CDC73: variants seen among roughly 807,000 people sequenced by gnomAD.
CDC73 encodes parafibromin.
CDC73 carries 21 observed loss-of-function variants against 83.7 expected under a neutral mutation model. The observed-to-expected ratio is 0.25, with a 90% CI of 0.18 to 0.36. The LOEUF is 0.36. CDC73 is among the 10% of genes least tolerant of loss of function. The pLI is 1.00. For synonymous variants in CDC73, 224 were observed against 212.9 expected (o/e 1.05, Z -0.45); for missense variants, 342 against 653.3 (o/e 0.52, Z 5.19).
intron 13 of CDC73, among the ~76,000 whole-genome samples, chr1:193,229,220 A>G (rs898814950): frequency 2.6e-5 from 4 of 152,300 alleles, no homozygotes; most frequent in Admixed American, 6.5e-5. Context: ...AGGTATTTAC[A>G]TAAGAGAAAT....
At chr1:193,218,562 A>T (rs1204941045) in intron 13 of CDC73, among the ~76,000 whole-genome samples, 1 of 152,234 alleles carries the variant, frequency 6.6e-6, no homozygotes, top group East Asian at 1.9e-4. Context: ...GTACAAAAAC[A>T]GGCACACAGA....
chr1:193,226,890 G>C (rs185938682), intron 13 of CDC73, among the ~76,000 whole-genome samples: 2 of 152,210 alleles, frequency 1.3e-5, no homozygotes, highest in Non-Finnish European at 2.9e-5. Context: ...CAAAAGGATT[G>C]GTACCAATTC....
At chr1:193,212,302 T>G in intron 12 of CDC73, 88 bp from the exon 13 acceptor site, 1 of 948,550 alleles carries the variant, frequency 1.1e-6, no homozygotes, top group Non-Finnish European at 1.6e-6. Context: ...AAGTTAAAGT[T>G]ACAATTTATA....
intron 10 of CDC73, among the ~76,000 whole-genome samples, chr1:193,167,204 T>C (rs1676448657): frequency 1.3e-5 from 2 of 152,168 alleles, no homozygotes; most frequent in African/African-American, 4.8e-5. Context: ...CCACACATAG[T>C]TTTAACTACC....
At chr1:193,194,458 T>C (rs1464663116) in intron 10 of CDC73, among the ~76,000 whole-genome samples, 2 of 152,176 alleles carry the variant, frequency 1.3e-5, no homozygotes, top group Non-Finnish European at 2.9e-5. Flanking sequence ...TTTTAGTTCA[T>C]GGACCCATAT....
chr1:193,234,789 G>A (rs1677729191), intron 14 of CDC73, among the ~76,000 whole-genome samples: 1 of 152,142 alleles, frequency 6.6e-6, no homozygotes, highest in Admixed American at 6.5e-5. Flanking sequence ...AAAACTGAAA[G>A]ATTATTTAAT....
chr1:193,206,679 A>G (rs977539983), intron 11 of CDC73, among the ~76,000 whole-genome samples: 1 of 152,130 alleles, frequency 6.6e-6, no homozygotes, highest in African/African-American at 2.4e-5. Context: ...TATAACTGTT[A>G]TTTGTTGGGT....
intron 13 of CDC73, among the ~76,000 whole-genome samples, chr1:193,213,516 A>G (rs376824576): frequency 1.3e-5 from 2 of 152,304 alleles, no homozygotes; most frequent in East Asian, 3.9e-4. Context: ...GGAGGAATTC[A>G]AAAATTGTAA....
chr1:193,241,544 T>A (rs779116815), intron 15 of CDC73, among the ~76,000 whole-genome samples: 2 of 152,150 alleles, frequency 1.3e-5, no homozygotes, highest in Non-Finnish European at 2.9e-5. Flanking sequence ...GCAATGGCAG[T>A]AGCAGTGAAG....
chr1:193,152,630 C>T (rs1359066994), intron 10 of CDC73, among the ~76,000 whole-genome samples, 186 bp downstream of exon 10: 1 of 151,784 alleles, frequency 6.6e-6, no homozygotes, highest in Non-Finnish European at 1.5e-5. Flanking sequence ...TTTTCTTTTC[C>T]TTCAAATTAA....
chr1:193,189,872 A>G (rs1407928963), intron 10 of CDC73, among the ~76,000 whole-genome samples: 1 of 152,266 alleles, frequency 6.6e-6, no homozygotes, highest in African/African-American at 2.4e-5. Flanking sequence ...ATGGAGTTAC[A>G]TCATCTGTTT....
At chr1:193,249,155 C>T (rs998036682) in intron 15 of CDC73, among the ~76,000 whole-genome samples, 3 of 151,990 alleles carry the variant, frequency 2.0e-5, no homozygotes, top group Non-Finnish European at 4.4e-5. Flanking sequence ...CATCAACCAC[C>T]ACACCCTGTT....
chr1:193,242,211 G>T (rs866245585), intron 15 of CDC73, among the ~76,000 whole-genome samples: 1 of 151,584 alleles, frequency 6.6e-6, no homozygotes, highest in Non-Finnish European at 1.5e-5. Context: ...CCCTCAAAAT[G>T]GCGCTGTGCT....
intron 10 of CDC73, among the ~76,000 whole-genome samples, chr1:193,200,091 A>G (rs1677066862): frequency 6.6e-6 from 1 of 151,464 alleles, no homozygotes; most frequent in Non-Finnish European, 1.5e-5. Flanking sequence ...AAAAACAAAA[A>G]CTAGCCTGGC....
At chr1:193,210,104 T>G (rs1677251841) in intron 11 of CDC73, among the ~76,000 whole-genome samples, 1 of 152,172 alleles carries the variant, frequency 6.6e-6, no homozygotes, top group East Asian at 1.9e-4. Flanking sequence ...GTATTTTTTC[T>G]CAGCAAGAAG....
intron 10 of CDC73, among the ~76,000 whole-genome samples, chr1:193,203,094 A>C (rs1677119762): frequency 6.6e-6 from 1 of 152,144 alleles, no homozygotes; most frequent in Admixed American, 6.5e-5. Context: ...AATATGATTG[A>C]AACTTGCACT....
At chr1:193,143,374 T>TAAAAA (rs1675939447) in intron 7 of CDC73, among the ~76,000 whole-genome samples, 1 of 152,102 alleles carries the variant, frequency 6.6e-6, no homozygotes, top group Non-Finnish European at 1.5e-5. Context: ...TTCATTAAAA[T>TAAAAA]AAAAAAATCT....
intron 13 of CDC73, among the ~76,000 whole-genome samples, chr1:193,222,710 C>T (rs1033599431): frequency 4.7e-5 from 7 of 147,872 alleles, no homozygotes; most frequent in Admixed American, 6.7e-5. Flanking sequence ...TGGTGTTTTT[C>T]ATCAGTTCTC....
At chr1:193,144,763 T>C (rs1675966132) in intron 7 of CDC73, among the ~76,000 whole-genome samples, 1 of 152,012 alleles carries the variant, frequency 6.6e-6, no homozygotes, top group Non-Finnish European at 1.5e-5. Context: ...ATGAACTGAA[T>C]CAACATTTTT....
Sources: allele counts gnomAD v4.1 joint callset (sites outside exome capture counted in the v4.1 genomes callset), GRCh38; gene constraint gnomAD v4.1.1; transcripts MANE v1.5; gene names NCBI Gene and HGNC (gene_info 2026-07-23, HGNC 2026-07-21).